The following RALGPS2 variants were observed in gnomAD, a reference collection of about 807,000 sequenced individuals.
RALGPS2 encodes the protein Ral GEF with PH domain and SH3 binding motif 2.
RALGPS2 carries 43 observed loss-of-function variants against 86.8 expected under a neutral mutation model. The ratio of observed to expected loss-of-function variants is 0.50; its 90% CI spans 0.39 to 0.64. The LOEUF is 0.64. Ranked by LOEUF, RALGPS2 falls within the 30% of genes least tolerant of loss-of-function variation. The probability of loss-of-function intolerance (pLI) is 0.00; values close to 1 mark genes in which losing one functional copy is unlikely to be tolerated. For missense variants in RALGPS2, 536 were observed against 694.6 expected (o/e 0.77, Z 2.57); for synonymous variants, 243 against 231.3 (o/e 1.05, Z -0.46).
chr1:178,789,679 G>T (rs1050086556), intron 4 of RALGPS2, among the ~76,000 whole-genome samples: 1 of 152,194 alleles, frequency 6.6e-6, no homozygotes, highest in Non-Finnish European at 1.5e-5. Flanking sequence ...GGAGATGTCA[G>T]TGTAGAGGTG....
chr1:178,805,529 A>C (rs942900201), intron 4 of RALGPS2, among the ~76,000 whole-genome samples: 57 of 151,942 alleles, frequency 3.8e-4, no homozygotes, highest in Non-Finnish European at 7.5e-4. Context: ...CATTTATTAA[A>C]TAGGGAATCC....
At chr1:178,905,491 C>T (rs755409071) in intron 18 of RALGPS2, among the ~76,000 whole-genome samples, 5 of 151,958 alleles carry the variant, frequency 3.3e-5, no homozygotes, top group Admixed American at 3.3e-4. Context: ...GCAAGTGTAA[C>T]GGTGTTACTT....
chr1:178,892,163 G>A, intron 14 of RALGPS2, 67 bp from the exon 15 acceptor site: 2 of 1,328,108 alleles, frequency 1.5e-6, no homozygotes, highest in South Asian at 2.4e-5. Flanking sequence ...TACTGTTCTA[G>A]GTATTGATAA....
At chr1:178,803,950 G>A (rs909511110) in intron 4 of RALGPS2, among the ~76,000 whole-genome samples, 1 of 152,160 alleles carries the variant, frequency 6.6e-6, no homozygotes, top group South Asian at 2.1e-4. Flanking sequence ...AGAGTATCTT[G>A]AGTCTATCGT....
intron 7 of RALGPS2, among the ~76,000 whole-genome samples, chr1:178,832,249 C>G (rs1049769763): frequency 2.0e-5 from 3 of 152,090 alleles, no homozygotes; most frequent in African/African-American, 7.2e-5. Context: ...AAGCAAAGGA[C>G]CCCTTGACGT....
chr1:178,799,100 C>T (rs575026939), intron 4 of RALGPS2, among the ~76,000 whole-genome samples: 1 of 152,072 alleles, frequency 6.6e-6, no homozygotes, highest in Non-Finnish European at 1.5e-5. Context: ...AGTGCAGTGG[C>T]GCGATCTCCG....
At chr1:178,763,215 G>C (rs763258772) in intron 1 of RALGPS2, among the ~76,000 whole-genome samples, 17 of 152,184 alleles carry the variant, frequency 1.1e-4, no homozygotes, top group Non-Finnish European at 1.5e-5. Context: ...GCCTGTTTTT[G>C]TAGCAGTGTC....
chr1:178,731,272 G>GTTTTTTTTT lies in RALGPS2; in HGVS notation c.-84+5874_-84+5882dup, dbSNP rs57628726. 3.4e-3 allele frequency among the ~76,000 whole-genome samples: 196 copies of GTTTTTTTTT among 57,974 alleles called. 27 individuals carry two copies. The highest frequency in any genetic ancestry group is 8.4e-3 in the African/African-American group (127 of 15,040). 38.0% of individuals were successfully genotyped at this position (57,974 alleles called of 152,430 possible). On this transcript the variant is annotated intron_variant, in intron 1 of 19. Transcript: ENST00000367635. ...TGATTATACTTTTCTAGTTGTTTTG[G>GTTTTTTTTT]TTTTTTTTTTTTTTTTTTTTTTTTT...
chr1:178,751,009 G>A (rs146803689), intron 1 of RALGPS2, among the ~76,000 whole-genome samples: 163 of 152,212 alleles, frequency 1.1e-3, no homozygotes, highest in African/African-American at 3.6e-3. Context: ...TTTTATTCAT[G>A]TCTCTTAGTT....
chr1:178,830,979 A>G (rs183976086), intron 7 of RALGPS2, among the ~76,000 whole-genome samples: 18 of 152,364 alleles, frequency 1.2e-4, no homozygotes, highest in African/African-American at 4.1e-4. Context: ...GTGAAAATGA[A>G]TGAACTATAG....
intron 1 of RALGPS2, among the ~76,000 whole-genome samples, chr1:178,754,226 A>G (rs1258710191): frequency 6.6e-6 from 1 of 150,724 alleles, no homozygotes; most frequent in Non-Finnish European, 1.5e-5. Flanking sequence ...ATGTGTATAT[A>G]TATTTTATTA....
chr1:178,787,454 G>A (rs1653711467), intron 4 of RALGPS2, among the ~76,000 whole-genome samples: 1 of 152,144 alleles, frequency 6.6e-6, no homozygotes, highest in Non-Finnish European at 1.5e-5. Flanking sequence ...AAATTATTGA[G>A]ATATCTTACA....
At chr1:178,861,899 G>A (rs1658040771) in intron 8 of RALGPS2, among the ~76,000 whole-genome samples, 1 of 152,080 alleles carries the variant, frequency 6.6e-6, no homozygotes, top group African/African-American at 2.4e-5. Flanking sequence ...TGTTGTTTGA[G>A]TCTCACTCTG....
intron 11 of RALGPS2, 98 bp from the exon 12 acceptor site, chr1:178,884,978 C>T: frequency 8.4e-7 from 1 of 1,192,490 alleles, no homozygotes; most frequent in Non-Finnish European, 1.1e-6. Context: ...GAACTAACAT[C>T]AGTACTATCT....
chr1:178,752,035 A>T (rs1651708720), intron 1 of RALGPS2, among the ~76,000 whole-genome samples: 1 of 152,098 alleles, frequency 6.6e-6, no homozygotes, highest in Admixed American at 6.5e-5. Context: ...TGCATGGCAT[A>T]TGACAATTTG....
intron 7 of RALGPS2, among the ~76,000 whole-genome samples, chr1:178,827,889 G>A (rs953746477): frequency 3.9e-5 from 6 of 152,160 alleles, no homozygotes; most frequent in African/African-American, 1.2e-4. Context: ...AATAAATTGT[G>A]TCAGAAAAAC....
At chr1:178,747,193 T>C in intron 1 of RALGPS2, 1 of 1,188,568 alleles carries the variant, frequency 8.4e-7, no homozygotes, top group Non-Finnish European at 1.3e-6. Flanking sequence ...GTCCAGTGCC[T>C]GCACTACGGT....
rs575535750 is a variant in RALGPS2 at position 178,756,239 on chromosome 1, A to G, written c.-83-20443A>G. Among the ~76,000 whole-genome samples, 263 of 152,214 alleles carry G rather than the reference A, an allele frequency of 1.7e-3. 1 individual carries two copies. The highest frequency in any genetic ancestry group is 3.4e-3 in the Middle Eastern group (1 of 294). Reference sequence around the variant, plus strand: ...TTAGTCATAAGTTATTTCCCAAGGCACATGTCCAGAATGGTGTTTCCTAGG... The same window carrying G: ...TTAGTCATAAGTTATTTCCCAAGGCGCATGTCCAGAATGGTGTTTCCTAGG... On this transcript the variant is annotated intron_variant, in intron 1 of 19. Coordinates refer to ENST00000367635, the MANE Select transcript of RALGPS2 (RefSeq NM_152663.5).
At position 178,763,178 on chromosome 1, in the gene RALGPS2, T is replaced by C. The variant is rs539509708; in HGVS notation, c.-83-13504T>C. On this transcript the variant is annotated intron_variant, in intron 1 of 19. Transcript: ENST00000367635. ...TAGGTGTATGGCCTTATTTTTGTGC[T>C]CTCTATTCTGTTCCGTTGGTTTGTG... 6.5e-4 allele frequency among the ~76,000 whole-genome samples: 99 copies of C among 152,280 alleles called. 1 individual carries two copies. The highest frequency in any genetic ancestry group is 2.3e-3 in the African/African-American group (97 of 41,548).
Sources: allele counts gnomAD v4.1 joint callset (sites outside exome capture counted in the v4.1 genomes callset), GRCh38; gene constraint gnomAD v4.1.1; transcripts MANE v1.5; gene names NCBI Gene and HGNC (gene_info 2026-07-23, HGNC 2026-07-21).